Variants in RARB observed in about 807,000 individuals in gnomAD.
RARB encodes the protein retinoic acid receptor beta, also known as HBV-activated protein.
A neutral mutation model predicts 51.9 loss-of-function variants in RARB; 17 were observed. The observed-to-expected ratio is 0.33, with a 90% CI of 0.22 to 0.49. RARB has a LOEUF of 0.49. Ranked by LOEUF, RARB falls within the 20% of genes least tolerant of loss-of-function variation. The pLI, the probability that RARB is intolerant of heterozygous loss-of-function variation, is 0.99. For missense variants in RARB, 369 were observed against 550.8 expected (o/e 0.67, Z 3.30); for synonymous variants, 215 against 195.4 (o/e 1.10, Z -0.84).
At chr3:25,445,580 T>A (rs1257480973) in intron 1 of RARB, among the ~76,000 whole-genome samples, 1 of 151,950 alleles carries the variant, frequency 6.6e-6, no homozygotes, top group Non-Finnish European at 1.5e-5. Context: ...AGCAGGAGAA[T>A]TGCTTGAGCC....
At chr3:25,391,260 G>A (rs1706948042) in intron 5 of RARB, among the ~76,000 whole-genome samples, 1 of 151,952 alleles carries the variant, frequency 6.6e-6, no homozygotes, top group African/African-American at 2.4e-5. Context: ...GTATTCCATG[G>A]TATATATACC....
chr3:25,101,649 G>GTT (rs373919940), intron 3 of RARB, among the ~76,000 whole-genome samples: 6 of 138,872 alleles, frequency 4.3e-5, no homozygotes, highest in Admixed American at 1.4e-4. Context: ...AAATCTTTAT[G>GTT]TTTTTTTTTT....
At chr3:25,172,253 T>C (rs573142823) in intron 4 of RARB, among the ~76,000 whole-genome samples, 58 of 152,120 alleles carry the variant, frequency 3.8e-4, no homozygotes, top group African/African-American at 1.3e-3. Context: ...CTCTGTAGAG[T>C]ACAACCAGCA....
intron 2 of RARB, among the ~76,000 whole-genome samples, chr3:24,986,294 G>A (rs1461305190): frequency 6.6e-6 from 1 of 152,168 alleles, no homozygotes; most frequent in Non-Finnish European, 1.5e-5. Flanking sequence ...CAAAATATGT[G>A]TTATTATATG....
intron 4 of RARB, among the ~76,000 whole-genome samples, chr3:25,170,890 C>T (rs937658740): frequency 1.3e-5 from 2 of 152,184 alleles, no homozygotes; most frequent in African/African-American, 4.8e-5. Context: ...GACCCTACCA[C>T]TAAATGTGCA....
intron 3 of RARB, among the ~76,000 whole-genome samples, chr3:25,531,504 T>C (rs1278579929): frequency 1.3e-5 from 2 of 152,142 alleles, no homozygotes; most frequent in African/African-American, 4.8e-5. Context: ...TATTAAAGTC[T>C]TCTGGTAGTT....
intron 5 of RARB, among the ~76,000 whole-genome samples, chr3:25,366,641 A>G (rs1336466895): frequency 6.6e-6 from 1 of 152,194 alleles, no homozygotes; most frequent in Non-Finnish European, 1.5e-5. Context: ...AATACTGGTC[A>G]ACCACTGTTT....
At chr3:25,424,026 T>C (rs1278119325), upstream of RARB, among the ~76,000 whole-genome samples, 1 of 152,192 alleles carries the variant, frequency 6.6e-6, no homozygotes, top group African/African-American at 2.4e-5. Context: ...AAGAGAAAAG[T>C]ATGCCCTTGT....
intron 2 of RARB, among the ~76,000 whole-genome samples, chr3:25,014,755 G>C (rs998029575): frequency 1.2e-4 from 18 of 152,022 alleles, no homozygotes; most frequent in African/African-American, 3.9e-4. Flanking sequence ...GCTAGAGAGT[G>C]AGATGGACAC....
intron 5 of RARB, among the ~76,000 whole-genome samples, chr3:25,417,856 C>T (rs952499049): frequency 6.6e-6 from 1 of 152,166 alleles, no homozygotes; most frequent in Non-Finnish European, 1.5e-5. Flanking sequence ...TAGAAGTGTA[C>T]ATCTCTCTCA....
At chr3:25,291,476 C>CTTTTCT (rs1703786200) in intron 5 of RARB, among the ~76,000 whole-genome samples, 3 of 125,380 alleles carry the variant, frequency 2.4e-5, no homozygotes, top group Admixed American at 1.6e-4. Context: ...CAGATGTTTG[C>CTTTTCT]TTTTTTTTTT....
intron 5 of RARB, among the ~76,000 whole-genome samples, chr3:25,210,045 C>A (rs1319628203): frequency 6.6e-6 from 1 of 152,096 alleles, no homozygotes; most frequent in African/African-American, 2.4e-5. Flanking sequence ...GTCTTTTTAC[C>A]AACACTTTTC....
chr3:25,187,560 A>G (rs1260760038), intron 5 of RARB, among the ~76,000 whole-genome samples: 1 of 151,934 alleles, frequency 6.6e-6, no homozygotes, highest in East Asian at 1.9e-4. Flanking sequence ...AGAAAGGGAA[A>G]GTTTTTTTTA....
chr3:25,418,312 T>C (rs1002961856), intron 5 of RARB, among the ~76,000 whole-genome samples: 2 of 152,206 alleles, frequency 1.3e-5, no homozygotes, highest in Non-Finnish European at 2.9e-5. Flanking sequence ...CTATCGAATG[T>C]GTGAATACTA....
At chr3:24,984,651 T>C (rs1438791477) in intron 2 of RARB, among the ~76,000 whole-genome samples, 1 of 152,216 alleles carries the variant, frequency 6.6e-6, no homozygotes, top group African/African-American at 2.4e-5. Context: ...TTTATGTATT[T>C]TGAATAAATC....
chr3:25,343,022 CTTTGTGTGTGTGTGTGTGTGTGTGTG>C (rs1705278143), intron 5 of RARB, among the ~76,000 whole-genome samples: 1 of 89,390 alleles, frequency 1.1e-5, no homozygotes, highest in African/African-American at 4.8e-5. Flanking sequence ...TTTGCAAGTA[CTTTGTGTGTGTGTGTGTGTGTGTGTG>C]TGTGTGTGTG....
At chr3:25,195,911 G>A (rs1288151113) in intron 5 of RARB, among the ~76,000 whole-genome samples, 2 of 151,864 alleles carry the variant, frequency 1.3e-5, no homozygotes, top group East Asian at 1.9e-4. Flanking sequence ...CAATGTTTAT[G>A]GCTCTATTTT....
chr3:24,884,014 G>C (rs891112043), intron 2 of RARB, among the ~76,000 whole-genome samples: 1 of 152,010 alleles, frequency 6.6e-6, no homozygotes, highest in Non-Finnish European at 1.5e-5. Context: ...CAAGCATCTC[G>C]TCATATACTT....
In RARB at chr3:25,464,974, C is replaced by T. The variant is rs78048780; in HGVS notation, c.306+3633C>T. ...ATAATTTATTTAACTGATTAAGGTG[C>T]TTACAGTTTTTTTCGATTATAAATA... On this transcript the variant is annotated intron_variant, in intron 2 of 7. Coordinates refer to ENST00000330688, the MANE Select transcript of RARB (RefSeq NM_000965.5). 7.2e-5 allele frequency among the ~76,000 whole-genome samples: 11 copies of T among 152,012 alleles called. 1 individual carries two copies. The East Asian group carries it at 1.9e-3, about 27-fold the overall frequency.
Sources: allele counts gnomAD v4.1 joint callset (sites outside exome capture counted in the v4.1 genomes callset), GRCh38; gene constraint gnomAD v4.1.1; transcripts MANE v1.5; gene names NCBI Gene and HGNC (gene_info 2026-07-23, HGNC 2026-07-21).